The following CD96 variants were observed in gnomAD, a reference collection of about 807,000 sequenced individuals.
CD96 encodes T-cell surface protein tactile.
A neutral mutation model predicts 71.3 loss-of-function variants in CD96; 70 were observed. The observed-to-expected ratio is 0.98, with a 90% CI of 0.81 to 1.20. CD96 has a LOEUF of 1.20. Among genes scored for constraint, CD96 ranks in the 50% most tolerant of loss-of-function variants. The pLI is 0.00. For synonymous variants in CD96, 248 were observed against 233.0 expected, an observed-to-expected ratio of 1.06 and a Z score of -0.59; for missense variants, 742 against 677.5, an observed-to-expected ratio of 1.10 and a Z score of -1.06.
chr3:111,596,782 T>A (rs1484804080), intron 5 of CD96, among the ~76,000 whole-genome samples: 1 of 152,238 alleles, frequency 6.6e-6, no homozygotes, highest in African/African-American at 2.4e-5. Context: ...GTTTTGCTTT[T>A]AATTTTTTAG....
intron 10 of CD96, among the ~76,000 whole-genome samples, chr3:111,635,989 C>T (rs189139708): frequency 5.9e-5 from 9 of 152,178 alleles, no homozygotes; most frequent in Non-Finnish European, 1.0e-4. Flanking sequence ...CAAATTCCGG[C>T]GAATGGCATA....
chr3:111,578,111 A>G (rs1219519573), intron 3 of CD96, among the ~76,000 whole-genome samples: 4 of 152,156 alleles, frequency 2.6e-5, no homozygotes, highest in South Asian at 2.1e-4. Context: ...GTTGAGTCAT[A>G]CTAACAGGAT....
chr3:111,580,289 A>G (rs973807883), intron 4 of CD96, among the ~76,000 whole-genome samples: 6 of 152,224 alleles, frequency 3.9e-5, no homozygotes, highest in Non-Finnish European at 8.8e-5. Flanking sequence ...AGGAAAGGTT[A>G]AAATTCTATT....
intron 8 of CD96, among the ~76,000 whole-genome samples, chr3:111,613,246 A>G (rs1938049157): frequency 1.3e-5 from 2 of 152,180 alleles, no homozygotes; most frequent in Non-Finnish European, 2.9e-5. Flanking sequence ...TTTCATAATT[A>G]TTGAGTATCT....
chr3:111,594,295 T>C, intron 5 of CD96: 1 of 1,449,694 alleles, frequency 6.9e-7, no homozygotes, highest in Non-Finnish European at 9.3e-7. Context: ...GGGAAGGGCC[T>C]GTGGTAACTC....
chr3:111,636,079 G>A (rs1333701350), intron 10 of CD96, among the ~76,000 whole-genome samples: 1 of 152,194 alleles, frequency 6.6e-6, no homozygotes, highest in African/African-American at 2.4e-5. Flanking sequence ...TGCAGTATCA[G>A]AGAGTTATAT....
chr3:111,564,127 A>G (rs1017595187), intron 2 of CD96, among the ~76,000 whole-genome samples: 2 of 151,964 alleles, frequency 1.3e-5, no homozygotes, highest in African/African-American at 4.8e-5. Context: ...TTCTGGGTCT[A>G]TTTTCCTATT....
chr3:111,661,128 A>G (rs983354675), intron 14 of CD96, among the ~76,000 whole-genome samples: 19 of 152,212 alleles, frequency 1.2e-4, no homozygotes, highest in Admixed American at 4.6e-4. Context: ...ATGTCTTCAC[A>G]TGGCGGCAGG....
At chr3:111,559,117 G>A (rs1206366244) in intron 2 of CD96, among the ~76,000 whole-genome samples, 6 of 150,286 alleles carry the variant, frequency 4.0e-5, no homozygotes, top group Admixed American at 1.3e-4. Flanking sequence ...TATTAGTCTT[G>A]CTAGCGGTCT....
chr3:111,568,010 A>C (rs1935803353), intron 3 of CD96, among the ~76,000 whole-genome samples: 1 of 152,224 alleles, frequency 6.6e-6, no homozygotes, highest in African/African-American at 2.4e-5. Context: ...ACATATGCAG[A>C]GCTACAGACT....
intron 14 of CD96, among the ~76,000 whole-genome samples, chr3:111,664,956 A>G (rs1940445941): frequency 1.3e-5 from 2 of 152,232 alleles, no homozygotes; most frequent in African/African-American, 2.4e-5. Flanking sequence ...TAGGAAATAC[A>G]CAGTTATTAT....
At chr3:111,609,443 A>G (rs1242033810) in intron 8 of CD96, among the ~76,000 whole-genome samples, 1 of 152,182 alleles carries the variant, frequency 6.6e-6, no homozygotes, top group East Asian at 1.9e-4. Context: ...AGCAATGAAC[A>G]AAACTGAAAA....
In CD96 at chr3:111,598,359, T is replaced by C. The variant is rs571530916; in HGVS notation, c.898+149T>C. 4 of 651,410 alleles carry C rather than the reference T, an allele frequency of 6.1e-6. No homozygotes were observed. In the South Asian group the frequency reaches 6.8e-5, roughly 11 times the overall value. 40.4% of individuals were successfully genotyped at this position (651,410 alleles called of 1,614,324 possible). A position where few individuals can be genotyped will look rare whatever the true frequency, so the allele number is the denominator to read the frequency against. ...TCATTCTGCCTACCAAATGTCATTT[T>C]CTGATGCTTCATCTGTTTCTTCCAA... On this transcript the variant is annotated intron_variant, in intron 6 of 13. Transcript: ENST00000352690.
intron 8 of CD96, among the ~76,000 whole-genome samples, chr3:111,616,668 C>T (rs1938253801): frequency 6.6e-6 from 1 of 152,176 alleles, no homozygotes; most frequent in Non-Finnish European, 1.5e-5. Context: ...CACCTACTGG[C>T]TCTGTAGCCT....
At chr3:111,588,789 T>C (rs760359677) in intron 5 of CD96, among the ~76,000 whole-genome samples, 16 of 152,154 alleles carry the variant, frequency 1.1e-4, no homozygotes, top group Non-Finnish European at 2.1e-4. Context: ...AGCCAAACCA[T>C]ATCACTGCTA....
intron 2 of CD96, among the ~76,000 whole-genome samples, chr3:111,553,129 T>A (rs896814749): frequency 6.8e-6 from 1 of 147,058 alleles, no homozygotes; most frequent in African/African-American, 2.5e-5. Flanking sequence ...AAAATTAGTA[T>A]TTAATATTAT....
intron 3 of CD96, among the ~76,000 whole-genome samples, chr3:111,575,730 G>T (rs1036068050): frequency 6.6e-6 from 1 of 152,208 alleles, no homozygotes; most frequent in Non-Finnish European, 1.5e-5. Context: ...TTCCAAGATG[G>T]CACCTTGAAT....
intron 10 of CD96, among the ~76,000 whole-genome samples, chr3:111,625,186 T>G (rs925886968): frequency 6.6e-6 from 1 of 152,212 alleles, no homozygotes; most frequent in African/African-American, 2.4e-5. Context: ...TCCTGGGAAC[T>G]TGTCCTTAGG....
At chr3:111,580,228 C>T (rs1158669498) in intron 4 of CD96, among the ~76,000 whole-genome samples, 2 of 152,162 alleles carry the variant, frequency 1.3e-5, no homozygotes, top group Non-Finnish European at 2.9e-5. Context: ...CTGTGAAATC[C>T]ACTGTGGCCT....
Sources: gnomAD v4.1 joint callset for allele counts (sites outside exome capture counted in the v4.1 genomes callset) on GRCh38, gnomAD v4.1.1 for gene constraint, MANE v1.5 for transcripts, NCBI Gene and HGNC (gene_info 2026-07-23, HGNC 2026-07-21) for gene names.